Variants in SLC37A3 observed in about 807,000 individuals in gnomAD.
SLC37A3 encodes sugar phosphate exchanger 3.
A neutral mutation model predicts 67.1 loss-of-function variants in SLC37A3; 51 were observed. The ratio of observed to expected loss-of-function variants is 0.76; its 90% CI spans 0.61 to 0.96. SLC37A3 has a LOEUF of 0.96. Among genes scored for constraint, SLC37A3 ranks in the 40% least tolerant of loss-of-function variants. The probability of loss-of-function intolerance (pLI) is 0.00; values close to 1 mark genes in which losing one functional copy is unlikely to be tolerated. For synonymous variants in SLC37A3, 214 were observed against 231.4 expected (o/e 0.92, Z 0.68); for missense variants, 508 against 603.0 (o/e 0.84, Z 1.65).
At chr7:140,346,733 A>G (rs1796575533) in intron 10 of SLC37A3, among the ~76,000 whole-genome samples, 2 of 150,470 alleles carry the variant, frequency 1.3e-5, no homozygotes, top group African/African-American at 4.9e-5. Flanking sequence ...CCTTATCTCT[A>G]TAAAAGATAA....
At chr7:140,396,894 G>T (rs13247160) in intron 1 of SLC37A3, among the ~76,000 whole-genome samples, 16,880 of 104,150 alleles carry the variant, frequency 0.16, 1,498 homozygotes, top group South Asian at 0.34. Context: ...TTTTTTTTTT[G>T]TTTTTTTTTT....
intron 3 of SLC37A3, among the ~76,000 whole-genome samples, chr7:140,377,741 A>AT (rs1303213815): frequency 2.0e-5 from 3 of 152,102 alleles, no homozygotes; most frequent in Admixed American, 6.6e-5. Flanking sequence ...TAAGCAAAAT[A>AT]TTTTTTTAGC....
intron 1 of SLC37A3, among the ~76,000 whole-genome samples, chr7:140,397,799 C>T (rs1798997602): frequency 6.6e-6 from 1 of 152,122 alleles, no homozygotes; most frequent in Admixed American, 6.6e-5. Flanking sequence ...TACCATCTTA[C>T]ATTTCAAAAA....
chr7:140,345,829 A>T, intron 11 of SLC37A3, 40 bp downstream of exon 11: 3 of 1,468,802 alleles, frequency 2.0e-6, no homozygotes, highest in Non-Finnish European at 2.9e-6. Context: ...CAACCAGATT[A>T]GGGGAGCAAA....
intron 13 of SLC37A3, among the ~76,000 whole-genome samples, chr7:140,339,264 G>GTTTT (rs748009768): frequency 1.1e-4 from 14 of 130,776 alleles, no homozygotes; most frequent in African/African-American, 2.6e-4. Context: ...TCCCAGTTTT[G>GTTTT]TTTTTTTTTT....
chr7:140,387,779 A>ATAAATATATTATATATATTATATAT (rs1433466023), intron 1 of SLC37A3, among the ~76,000 whole-genome samples: 1 of 1,282 alleles, frequency 7.8e-4, no homozygotes, highest in African/African-American at 4.0e-3. Context: ...TATTATACAT[A>ATAAATATATTATATATATTATATAT]AATATAAATA....
chr7:140,372,792 G>T (rs547070777), intron 3 of SLC37A3, among the ~76,000 whole-genome samples: 1 of 151,974 alleles, frequency 6.6e-6, no homozygotes, highest in African/African-American at 2.4e-5. Flanking sequence ...GCACTTGAGA[G>T]GAGGAGGTTT....
chr7:140,355,459 C>T (rs951511196), intron 7 of SLC37A3, among the ~76,000 whole-genome samples: 3 of 152,192 alleles, frequency 2.0e-5, no homozygotes, highest in Non-Finnish European at 4.4e-5. Context: ...GCTGATCCGC[C>T]TGCCTTGGCC....
intron 10 of SLC37A3, among the ~76,000 whole-genome samples, chr7:140,347,182 T>C (rs772443743): frequency 6.7e-6 from 1 of 150,152 alleles, no homozygotes; most frequent in African/African-American, 2.5e-5. Context: ...GCCCAGGAGG[T>C]TGTGGCTCCA....
At chr7:140,365,028 C>T (rs1209157869) in intron 4 of SLC37A3, among the ~76,000 whole-genome samples, 1 of 152,118 alleles carries the variant, frequency 6.6e-6, no homozygotes, top group Non-Finnish European at 1.5e-5. Flanking sequence ...GGTTCCAGGG[C>T]ACACTAGCTG....
Position 140,351,291 on chromosome 7 carries a change from G to A in SLC37A3, c.864C>T (p.Cys288=), listed in dbSNP as rs12703775. The A allele has an allele frequency of 0.45, 718,483 of 1,613,056 alleles. 161,331 individuals carry two copies. Among genetic ancestry groups the A allele is most frequent in the Non-Finnish European group, 0.46 (545,011 of 1,179,242 alleles). The change falls in exon 9 of 15, where the codon TGC becomes TGT. Residue 288 remains cysteine (C), a synonymous_variant. Transcript: ENST00000326232. ...VKAISFYQAC[C]LPGVIPYSLA... ...TCCTTACCGGTATGACTCCAGGAAG[G>A]CAACATGCCTGGTAGAAGCTTATCG...
chr7:140,364,393 G>T lies in SLC37A3; in HGVS notation c.375+15C>A. On this transcript the variant is annotated intron_variant, in intron 5 of 14. Coordinates refer to ENST00000326232, the MANE Select transcript of SLC37A3 (RefSeq NM_207113.3). ...TACCTGACCAAAATAATAATAATAA[G>T]ACCTTTCAACTTACCACTAATGCAG... 1 of 1,607,426 alleles carries T rather than the reference G, an allele frequency of 6.2e-7. No individual in the cohort carries two copies. The highest frequency in any genetic ancestry group is 1.1e-5 in the South Asian group (1 of 89,888).
At chr7:140,379,201 T>C (rs1798150669) in intron 3 of SLC37A3, 1 of 151,854 alleles carries the variant, frequency 6.6e-6, no homozygotes, top group African/African-American at 2.4e-5. Flanking sequence ...AGGCCAGGCA[T>C]GGTGGCTCAT....
intron 14 of SLC37A3, among the ~76,000 whole-genome samples, chr7:140,335,717 C>A (rs1349046954): frequency 6.6e-6 from 1 of 152,116 alleles, no homozygotes; most frequent in African/African-American, 2.4e-5. Flanking sequence ...AAAAAAAGAA[C>A]AATACATACA....
At chr7:140,393,331 C>T (rs1005950762) in intron 1 of SLC37A3, among the ~76,000 whole-genome samples, 2 of 152,220 alleles carry the variant, frequency 1.3e-5, no homozygotes, top group African/African-American at 4.8e-5. Context: ...CAGAGCTGAA[C>T]ACGTGCGCCG....
chr7:140,389,167 T>G (rs1798626877), intron 1 of SLC37A3, among the ~76,000 whole-genome samples: 1 of 152,168 alleles, frequency 6.6e-6, no homozygotes, highest in South Asian at 2.1e-4. Context: ...GGGTCCAGTC[T>G]GCCTCTGCAG....
At chr7:140,360,748 A>AC (rs1340207058) in intron 5 of SLC37A3, among the ~76,000 whole-genome samples, 1 of 147,346 alleles carries the variant, frequency 6.8e-6, no homozygotes, top group Non-Finnish European at 1.5e-5. Flanking sequence ...AAAAAAAAAA[A>AC]AGATTAATCA....
At chr7:140,390,110 A>C (rs1323341406) in intron 1 of SLC37A3, among the ~76,000 whole-genome samples, 1 of 152,016 alleles carries the variant, frequency 6.6e-6, no homozygotes. Flanking sequence ...CAAAACAAAA[A>C]AACCCAACTG....
intron 13 of SLC37A3, 95 bp from the exon 14 acceptor site, chr7:140,337,444 TAAG>T (rs1157377547): frequency 5.0e-6 from 5 of 1,009,296 alleles, no homozygotes; most frequent in African/African-American, 1.7e-5. Flanking sequence ...TTTTAGAAAA[TAAG>T]AAGGGAACAG....
Sources: gnomAD v4.1 joint callset for allele counts (sites outside exome capture counted in the v4.1 genomes callset) on GRCh38, gnomAD v4.1.1 for gene constraint, MANE v1.5 for transcripts, NCBI Gene and HGNC (gene_info 2026-07-23, HGNC 2026-07-21) for gene names.